NPHP4: variants seen among roughly 807,000 people sequenced by gnomAD.
The protein encoded by NPHP4 is nephrocystin 4, also known as nephrocystin-4.
Under a neutral mutation model 155.8 loss-of-function variants are expected in NPHP4, and 151 were observed. The observed-to-expected ratio is 0.97, with a 90% CI of 0.85 to 1.11. The LOEUF (loss-of-function observed/expected upper bound fraction) is 1.11. NPHP4 is among the 50% of genes least tolerant of loss of function. The pLI is 0.00. For missense variants in NPHP4, 1,956 were observed against 1,925.7 expected (o/e 1.02, Z -0.29); for synonymous variants, 845 against 816.8 (o/e 1.03, Z -0.59).
chr1:5,898,305 C>T (rs1348267468), intron 16 of NPHP4, among the ~76,000 whole-genome samples: 5 of 152,244 alleles, frequency 3.3e-5, no homozygotes, highest in Non-Finnish European at 7.3e-5. Flanking sequence ...GGAACCAACA[C>T]ACGCAGGGGA....
chr1:5,900,708 A>G (rs1194971207), intron 16 of NPHP4, among the ~76,000 whole-genome samples: 1 of 152,118 alleles, frequency 6.6e-6, no homozygotes, highest in Non-Finnish European at 1.5e-5. Flanking sequence ...AGTTCATAAT[A>G]ATTTTTTAAT....
Position 5,905,624 on chromosome 1 carries a change from C to T in NPHP4, c.1763+8G>A. The T allele has an allele frequency of 6.2e-7, 1 of 1,613,788 alleles. No homozygotes were observed. Among genetic ancestry groups the T allele is most frequent in the South Asian group, 1.1e-5 (1 of 91,038 alleles). ...ACTGGTTCCATCCCACCCAGACCCA[C>T]ACCTCACCTCCTGGTCTGGGTTCCC... is the stretch of plus-strand genomic sequence containing the variant. On this transcript the variant is annotated splice_region_variant and intron_variant, in intron 14 of 29. Transcript: ENST00000378156. The surrounding 1 kb of genome is among the most constrained non-coding windows in gnomAD (Gnocchi z 4.0).
chr1:5,935,384 C>T (rs1646485921), intron 9 of NPHP4, among the ~76,000 whole-genome samples: 1 of 152,176 alleles, frequency 6.6e-6, no homozygotes, highest in Non-Finnish European at 1.5e-5. Flanking sequence ...AGAAAACACC[C>T]ACACCATGGA....
At chr1:5,877,995 G>A (rs899856350) in intron 19 of NPHP4, among the ~76,000 whole-genome samples, 4 of 152,232 alleles carry the variant, frequency 2.6e-5, no homozygotes, top group African/African-American at 4.8e-5. Flanking sequence ...GGTGTCGGGC[G>A]GGGCTGTGCT....
rs1644833186 is a variant in NPHP4, at chr1:5,904,760, TAC to T, written c.1998_1999del (p.Tyr667PhefsTer23). ...GAAGCGGTAGAACTGGAAGGTGAAATACACAGTCTTTGGCCATGATGTTCCTC... is the reference window on the plus strand; with the variant it reads ...GAAGCGGTAGAACTGGAAGGTGAAATACAGTCTTTGGCCATGATGTTCCTC... On this transcript the variant is annotated frameshift_variant, in exon 16 of 30. Transcript: ENST00000378156. LOFTEE classifies it high-confidence loss of function. 9.9e-6 allele frequency: 16 copies of T among 1,613,920 alleles called. No individual in the cohort carries two copies. The highest frequency in any genetic ancestry group is 2.2e-5 in the East Asian group (1 of 44,878).
chr1:5,881,085 C>T (rs141908791), intron 18 of NPHP4: 1 of 152,448 alleles, frequency 6.6e-6, no homozygotes, highest in East Asian at 1.9e-4. Context: ...GGGCTTCCTG[C>T]CTCTCTGCAT....
intron 17 of NPHP4, 54 bp from the exon 18 acceptor site, chr1:5,887,520 ACCAGC>A: frequency 2.5e-6 from 4 of 1,584,220 alleles, no homozygotes; most frequent in Non-Finnish European, 1.7e-6. Flanking sequence ...GGCTGCTTCC[ACCAGC>A]CCTGCAGGTG....
chr1:5,917,210 A>C (rs1645520237), intron 11 of NPHP4, among the ~76,000 whole-genome samples: 1 of 152,124 alleles, frequency 6.6e-6, no homozygotes, highest in East Asian at 1.9e-4. Context: ...TGTGTGACCA[A>C]GGCCAACTGT....
chr1:5,969,619 C>A (rs1289597181), intron 3 of NPHP4, among the ~76,000 whole-genome samples: 1 of 152,188 alleles, frequency 6.6e-6, no homozygotes, highest in Admixed American at 6.5e-5. Context: ...CAGCTATGCA[C>A]CCAACCCTGC....
chr1:5,895,206 T>C (rs1279531332), intron 16 of NPHP4, among the ~76,000 whole-genome samples: 7 of 151,960 alleles, frequency 4.6e-5, no homozygotes, highest in Non-Finnish European at 1.0e-4. Context: ...GGGGGAGGGA[T>C]AGCATTAGGA....
chr1:5,984,522 G>A (rs1233665636), intron 2 of NPHP4, among the ~76,000 whole-genome samples: 7 of 152,154 alleles, frequency 4.6e-5, no homozygotes, highest in Non-Finnish European at 8.8e-5. Flanking sequence ...GTGACAGAGT[G>A]AGACTTCATC....
At chr1:5,913,853 T>C (rs982837231) in intron 11 of NPHP4, among the ~76,000 whole-genome samples, 9 of 152,064 alleles carry the variant, frequency 5.9e-5, no homozygotes, top group Non-Finnish European at 5.9e-5. Context: ...CCGAAGGAGA[T>C]CATTCTATAC....
chr1:5,888,797 G>C (rs1643956412), intron 17 of NPHP4, among the ~76,000 whole-genome samples: 1 of 152,208 alleles, frequency 6.6e-6, no homozygotes, highest in Non-Finnish European at 1.5e-5. Flanking sequence ...TCTTCAGGAA[G>C]TGCAGGCCTG....
At chr1:5,963,689 CTTTT>C (rs57131022) in intron 5 of NPHP4, among the ~76,000 whole-genome samples, 6 of 122,932 alleles carry the variant, frequency 4.9e-5, no homozygotes, top group Non-Finnish European at 5.1e-5. Context: ...CTTTTCTTTT[CTTTT>C]TTTTTTTTTT....
Position 5,864,452 on chromosome 1 carries a change from CCTCA to C in NPHP4, c.3878_3881del (p.Val1293GlyfsTer112). On this transcript the variant is annotated frameshift_variant, in exon 28 of 30. Transcript: ENST00000378156. LOFTEE classifies it high-confidence loss of function. ...CAAAGCGGCTGCCGGCCCTAAGGGG[CCTCA>C]CGCCAACATGCAGGTCCTGCACCCC... 1 of 1,606,268 alleles carries C rather than the reference CCTCA, an allele frequency of 6.2e-7. No homozygotes were observed. Among genetic ancestry groups the C allele is most frequent in the Non-Finnish European group, 8.5e-7 (1 of 1,176,822 alleles).
At chr1:5,885,396 C>T (rs1313751366) in intron 18 of NPHP4, among the ~76,000 whole-genome samples, 6 of 152,170 alleles carry the variant, frequency 3.9e-5, no homozygotes, top group African/African-American at 1.4e-4. Flanking sequence ...CCCAGCCGAA[C>T]CCATCCTACT....
At chr1:5,874,823 C>A in intron 21 of NPHP4, 51 bp downstream of exon 21, 2 of 1,579,350 alleles carry the variant, frequency 1.3e-6, no homozygotes, top group Non-Finnish European at 1.7e-6. Flanking sequence ...GTGCCGGCTG[C>A]ACCCGACACA....
At chr1:5,899,077 G>A (rs1644540362) in intron 16 of NPHP4, among the ~76,000 whole-genome samples, 1 of 152,210 alleles carries the variant, frequency 6.6e-6, no homozygotes, top group Admixed American at 6.5e-5. Context: ...CCTGTCTCCT[G>A]CTGATGGATG....
At chr1:5,945,226 G>A (rs1647030222) in intron 9 of NPHP4, among the ~76,000 whole-genome samples, 1 of 151,986 alleles carries the variant, frequency 6.6e-6, no homozygotes, top group Admixed American at 6.6e-5. Flanking sequence ...ACAGCCCCTG[G>A]GAACCACACA....
Sources: gnomAD v4.1 joint callset for allele counts (sites outside exome capture counted in the v4.1 genomes callset) on GRCh38, gnomAD v4.1.1 for gene constraint, Gnocchi (gnomAD v3.1) non-coding constraint, MANE v1.5 for transcripts, NCBI Gene and HGNC (gene_info 2026-07-23, HGNC 2026-07-21) for gene names.